Variants in MYOM3 observed in about 807,000 individuals in gnomAD.
The protein encoded by MYOM3 is myomesin 3.
A neutral mutation model predicts 191.7 loss-of-function variants in MYOM3; 155 were observed. The ratio of observed to expected loss-of-function variants is 0.81; its 90% confidence interval spans 0.71 to 0.92. The LOEUF is 0.92. Among genes scored for constraint, MYOM3 ranks in the 40% least tolerant of loss-of-function variants. MYOM3 has a pLI of 0.00. For synonymous variants in MYOM3, 757 were observed against 762.9 expected (o/e 0.99, Z 0.13); for missense variants, 1,889 against 1,890.6 (o/e 1.00, Z 0.02).
Position 24,068,377 on chromosome 1 carries a change from ACAAACTCCAGAG to A in MYOM3, c.3151-22_3151-11del. ...AATTGATTTTGCGGTTCTGAAAAGG[ACAAACTCCAGAG>A]TCCTTTTCCCTGTTCTGGGAACTTT... On this transcript the variant is annotated splice_polypyrimidine_tract_variant and intron_variant, in intron 25 of 36. Coordinates refer to ENST00000374434, the MANE Select transcript of MYOM3 (RefSeq NM_152372.4). 8 of 1,614,094 alleles carry A rather than the reference ACAAACTCCAGAG, an allele frequency of 5.0e-6. No homozygotes were observed. Among genetic ancestry groups the A allele is most frequent in the Non-Finnish European group, 6.8e-6 (8 of 1,179,996 alleles).
chr1:24,060,910 C>A (rs1643362352), intron 35 of MYOM3, 150 bp downstream of exon 35: 3 of 836,714 alleles, frequency 3.6e-6, no homozygotes, highest in Non-Finnish European at 3.8e-6. Context: ...TCTGTCTTGC[C>A]CAGGTCTTCC....
At chr1:24,098,567 G>C (rs763181729) in intron 6 of MYOM3, among the ~76,000 whole-genome samples, 3 of 152,242 alleles carry the variant, frequency 2.0e-5, no homozygotes, top group Non-Finnish European at 4.4e-5. Flanking sequence ...CCTGGTGACA[G>C]AGAGGAGGTG....
chr1:24,067,406 C>CTTT (rs1491452283), intron 27 of MYOM3, among the ~76,000 whole-genome samples: 3 of 77,462 alleles, frequency 3.9e-5, no homozygotes, highest in Non-Finnish European at 7.3e-5. Flanking sequence ...TTCCTTCCTT[C>CTTT]CTTCCTTCCT....
chr1:24,089,456 C>T lies in MYOM3; in HGVS notation c.1614+82G>A. The T allele has an allele frequency of 5.5e-6, 8 of 1,457,864 alleles. No homozygotes were observed. In the South Asian group the frequency reaches 8.9e-5, roughly 16 times the overall value. 90.3% of individuals were successfully genotyped at this position (1,457,864 alleles called of 1,614,324 possible). A position where few individuals can be genotyped will look rare whatever the true frequency, so the allele number is the denominator to read the frequency against. ...GGATTCTCTTTCATTCTCTGACGGC[C>T]TCCCCAGGGGACACTGCCCAGGGTC... On this transcript the variant is annotated intron_variant, in intron 14 of 36. Coordinates refer to ENST00000374434, the MANE Select transcript of MYOM3 (RefSeq NM_152372.4).
intron 23 of MYOM3, among the ~76,000 whole-genome samples, chr1:24,073,795 G>A (rs552027298): frequency 2.6e-5 from 4 of 151,286 alleles, no homozygotes; most frequent in East Asian, 3.9e-4. Context: ...CCCGGGAGGC[G>A]GAGGTTGCAG....
At position 24,075,310 on chromosome 1, in the gene MYOM3, C is replaced by A. The variant is rs528603097; in HGVS notation, c.2858+9G>T. 25 of 1,611,732 alleles carry A rather than the reference C, an allele frequency of 1.6e-5. No individual in the cohort carries two copies. The highest frequency in any genetic ancestry group is 2.1e-5 in the Non-Finnish European group (25 of 1,179,808). ...GTTGAGCAGTTGTTTCTCCTCTCGC[C>A]TCACTTACTTGTTAACTTTATCCTC... On this transcript the variant is annotated intron_variant, in intron 22 of 36. Coordinates refer to ENST00000374434, the MANE Select transcript of MYOM3 (RefSeq NM_152372.4).
At chr1:24,080,265 G>C in intron 19 of MYOM3, 71 bp from the exon 20 acceptor site, 1 of 1,254,188 alleles carries the variant, frequency 8.0e-7, no homozygotes, top group Non-Finnish European at 1.1e-6. Context: ...TAAGCAGCAA[G>C]CCCAGCAGTC....
intron 18 of MYOM3, 75 bp downstream of exon 18, chr1:24,081,926 C>T: frequency 7.0e-7 from 1 of 1,424,520 alleles, no homozygotes; most frequent in Non-Finnish European, 9.5e-7. Context: ...CTGTCAGACT[C>T]CAAGACTCAA....
At chr1:24,084,822 C>A (rs1465558874) in intron 15 of MYOM3, among the ~76,000 whole-genome samples, 183 bp from the exon 16 acceptor site, 1 of 152,116 alleles carries the variant, frequency 6.6e-6, no homozygotes, top group Non-Finnish European at 1.5e-5. Context: ...TCCTAAAAGT[C>A]CTCTCTCCCC....
At chr1:24,073,011 T>C (rs1197373806) in intron 23 of MYOM3, among the ~76,000 whole-genome samples, 1 of 152,162 alleles carries the variant, frequency 6.6e-6, no homozygotes, top group Non-Finnish European at 1.5e-5. Flanking sequence ...TGAGTCTAGA[T>C]TCATGGCAAG....
intron 16 of MYOM3, chr1:24,083,629 T>C (rs1463311815): frequency 6.6e-6 from 1 of 152,314 alleles, no homozygotes. Flanking sequence ...TGAGGGGTGG[T>C]ATGGAGCCTG....
intron 4 of MYOM3, 42 bp downstream of exon 4, chr1:24,107,031 C>T (rs1363436744): frequency 5.8e-6 from 9 of 1,552,996 alleles, no homozygotes; most frequent in South Asian, 4.9e-5. Context: ...AGTGGTGCGT[C>T]GCAGGTCCCA....
At chr1:24,108,123 G>C (rs766418772) in intron 2 of MYOM3, 50 bp from the exon 3 acceptor site, 1 of 1,566,534 alleles carries the variant, frequency 6.4e-7, no homozygotes, top group Non-Finnish European at 8.7e-7. Context: ...TTGGCTGGGG[G>C]CTCCCTGAGA....
intron 35 of MYOM3, among the ~76,000 whole-genome samples, chr1:24,059,209 C>T (rs1242107344): frequency 6.6e-6 from 1 of 152,200 alleles, no homozygotes; most frequent in Non-Finnish European, 1.5e-5. Flanking sequence ...TCTCAGCTCA[C>T]TGCAACTTCT....
In MYOM3 at chr1:24,111,715, A is replaced by G. The variant is rs1050578457; in HGVS notation, c.-19+316T>C. 3.4e-5 allele frequency among the ~76,000 whole-genome samples: 5 copies of G among 145,662 alleles called. No homozygotes were observed. The highest frequency in any genetic ancestry group is 7.5e-5 in the Non-Finnish European group (5 of 66,494). Reference sequence around the variant, plus strand: ...TTATCGCTGCTCCATCACAGGAAAGACTCCAGTTCCCAGGGCAGCCCCCAC... The same window carrying G: ...TTATCGCTGCTCCATCACAGGAAAGGCTCCAGTTCCCAGGGCAGCCCCCAC... On this transcript the variant is annotated intron_variant, in intron 1 of 36. Coordinates refer to ENST00000374434, the MANE Select transcript of MYOM3 (RefSeq NM_152372.4). This position sits in a 1 kb window ranked among gnomAD's most constrained non-coding sequence, Gnocchi z 4.7.
chr1:24,069,438 G>T (rs11249093), intron 25 of MYOM3, among the ~76,000 whole-genome samples: 3 of 152,024 alleles, frequency 2.0e-5, no homozygotes, highest in Admixed American at 6.6e-5. Flanking sequence ...GGCACAGACA[G>T]GTGAAGAGAC....
rs202075592 is a variant in MYOM3 at position 24,107,174 on chromosome 1, G to A, written c.301C>T (p.Arg101Trp). The A allele has an allele frequency of 1.2e-4, 190 of 1,610,802 alleles. No homozygotes were observed. The Admixed American group carries it at 1.8e-3, about 16-fold the overall frequency. ...AVELEERGQK[R>W]VGFGNDWERT... ...TCCCAGTCATTGCCGAAGCCCACCC[G>A]CTTCTGCCCTCGCTCCTCCAGCTCC... The change falls in exon 4 of 37, where the codon CGG becomes TGG. Residue 101 changes from arginine to tryptophan, a missense_variant. Transcript: ENST00000374434.
intron 12 of MYOM3, 28 bp from the exon 13 acceptor site, chr1:24,090,146 T>G (rs934234624): frequency 4.6e-5 from 68 of 1,494,436 alleles, no homozygotes; most frequent in African/African-American, 8.3e-5. Context: ...CATGGGAGGG[T>G]GGGGGGTGGC....
intron 35 of MYOM3, among the ~76,000 whole-genome samples, chr1:24,059,188 C>CA (rs1383478730): frequency 6.6e-6 from 1 of 152,034 alleles, no homozygotes; most frequent in African/African-American, 2.4e-5. Context: ...GGGTGGAGTG[C>CA]AGCAGCACGA....
Sources: gnomAD v4.1 joint callset for allele counts (sites outside exome capture counted in the v4.1 genomes callset) on GRCh38, gnomAD v4.1.1 for gene constraint, Gnocchi (gnomAD v3.1) non-coding constraint, MANE v1.5 for transcripts, NCBI Gene and HGNC (gene_info 2026-07-23, HGNC 2026-07-21) for gene names.